Variants in MTMR8 observed in about 807,000 individuals in gnomAD.
MTMR8 encodes myotubularin related protein 8.
MTMR8 carries 65 observed loss-of-function variants against 39.3 expected under a neutral mutation model. That is an observed-to-expected ratio of 1.65 (90% CI 1.35 to 2.03). The LOEUF (loss-of-function observed/expected upper bound fraction) is 2.03. MTMR8 is among the 30% of genes most tolerant of loss of function. The pLI, the probability that MTMR8 is intolerant of heterozygous loss-of-function variation, is 0.00. For synonymous variants in MTMR8, 245 were observed against 185.2 expected (o/e 1.32, Z -2.62); for missense variants, 777 against 538.9 (o/e 1.44, Z -4.37).
chrX:64,366,902 T>G (rs972508221), intron 1 of MTMR8, among the ~76,000 whole-genome samples: 1 of 110,947 alleles, frequency 9.0e-6, no homozygotes, highest in Non-Finnish European at 1.9e-5. Context: ...ATAGATGCAA[T>G]AAAAAATGAT....
At chrX:64,329,834 G>T (rs1175369861) in intron 11 of MTMR8, among the ~76,000 whole-genome samples, 2 of 111,558 alleles carry the variant, frequency 1.8e-5, no homozygotes. Flanking sequence ...TATTGCGTTG[G>T]TAAGGTAACT....
At chrX:64,373,407 C>T (rs1044402393) in intron 1 of MTMR8, among the ~76,000 whole-genome samples, 1 of 111,209 alleles carries the variant, frequency 9.0e-6, no homozygotes, top group South Asian at 3.8e-4. Context: ...TAGCACATCC[C>T]TCTCTCTCCC....
At chrX:64,301,799 A>G (rs774343967) in intron 12 of MTMR8, among the ~76,000 whole-genome samples, 24 of 111,794 alleles carry the variant, frequency 2.1e-4, no homozygotes, top group South Asian at 1.9e-3. Flanking sequence ...TCTAACAGAC[A>G]GGACCCTCTG....
intron 12 of MTMR8, among the ~76,000 whole-genome samples, chrX:64,294,363 C>T (rs1245846618): frequency 1.8e-5 from 2 of 111,597 alleles, no homozygotes; most frequent in African/African-American, 6.5e-5. Context: ...TTCCCAGCCA[C>T]CTATGGGATA....
At chrX:64,308,949 C>G (rs1186142488) in intron 12 of MTMR8, among the ~76,000 whole-genome samples, 1 of 111,967 alleles carries the variant, frequency 8.9e-6, no homozygotes, top group Admixed American at 9.5e-5. Context: ...CCATTCTGTT[C>G]CATTGATCTA....
intron 8 of MTMR8, among the ~76,000 whole-genome samples, chrX:64,342,145 G>A (rs1379237573): frequency 8.9e-6 from 1 of 112,289 alleles, no homozygotes; most frequent in African/African-American, 3.2e-5. Flanking sequence ...AATAACTTTA[G>A]TAGCAATTTG....
At chrX:64,309,158 G>T (rs187920767) in intron 12 of MTMR8, among the ~76,000 whole-genome samples, 1 of 112,005 alleles carries the variant, frequency 8.9e-6, no homozygotes, top group African/African-American at 3.2e-5. Flanking sequence ...AACTTACTAA[G>T]ATTTTGATTG....
intron 12 of MTMR8, among the ~76,000 whole-genome samples, chrX:64,301,593 C>A (rs1378226241): frequency 8.9e-6 from 1 of 112,330 alleles, no homozygotes; most frequent in South Asian, 3.7e-4. Flanking sequence ...AGTCATTCTC[C>A]ATCCAGCTTT....
intron 10 of MTMR8, among the ~76,000 whole-genome samples, chrX:64,335,281 G>A (rs931986786): frequency 1.8e-5 from 2 of 110,594 alleles, no homozygotes; most frequent in African/African-American, 3.3e-5. Context: ...ATAGGCACCC[G>A]CCACCATGTC....
At position 64,318,424 on chromosome X, in the gene MTMR8, G is replaced by A. The variant is rs759249675; in HGVS notation, c.1481+10348C>T. The stretch of plus-strand genomic sequence containing the variant: ...CTAGAAAGAGATGGCTTCTATTTGT[G>A]GCTTTTTTTTCTGTTCCCGTGTTAT... On this transcript the variant is annotated intron_variant, in intron 12 of 13. Transcript: ENST00000374852. Among the ~76,000 whole-genome samples the A allele has an allele frequency of 5.4e-5, 6 of 111,424 alleles. No individual in the cohort carries two copies. The Admixed American group carries it at 5.7e-4, about 11-fold the overall frequency.
At chrX:64,269,195 C>A (rs1263282120) in intron 13 of MTMR8, 152 bp from the exon 14 acceptor site, 28 of 509,948 alleles carry the variant, frequency 5.5e-5, no homozygotes, top group Non-Finnish European at 3.8e-5. Context: ...ATCTTTCCCT[C>A]ATCACATGTC....
chrX:64,359,100 T>G (rs2147234121), intron 2 of MTMR8, among the ~76,000 whole-genome samples: 1 of 111,276 alleles, frequency 9.0e-6, no homozygotes, highest in East Asian at 2.8e-4. Flanking sequence ...GGCTTTAAAT[T>G]ACTTCAAGAT....
intron 1 of MTMR8, among the ~76,000 whole-genome samples, chrX:64,372,584 C>A (rs553650053): frequency 8.9e-5 from 10 of 111,763 alleles, no homozygotes; most frequent in African/African-American, 2.9e-4. Flanking sequence ...CAGTATGTAA[C>A]CTTTTGAGAT....
intron 1 of MTMR8, among the ~76,000 whole-genome samples, chrX:64,384,701 G>C (rs777116711): frequency 8.9e-5 from 10 of 112,416 alleles, no homozygotes; most frequent in Non-Finnish European, 1.5e-4. Context: ...GCCCAGATTT[G>C]AGAACCAGTG....
At chrX:64,304,025 A>C (rs1480543792) in intron 12 of MTMR8, among the ~76,000 whole-genome samples, 1 of 111,774 alleles carries the variant, frequency 8.9e-6, no homozygotes, top group Non-Finnish European at 1.9e-5. Context: ...TTTTTCATGC[A>C]AAAATCTACA....
At chrX:64,305,683 C>T in intron 12 of MTMR8, 1 of 532,818 alleles carries the variant, frequency 1.9e-6, no homozygotes, top group Non-Finnish European at 3.5e-6. Context: ...TCATTGCCAG[C>T]ACCAGTAAGG....
intron 1 of MTMR8, among the ~76,000 whole-genome samples, chrX:64,384,571 A>G (rs1293240314): frequency 3.6e-5 from 4 of 112,239 alleles, no homozygotes; most frequent in African/African-American, 1.3e-4. Context: ...CTCTTTTGCA[A>G]TCTGTGCCCC....
At chrX:64,278,076 A>G (rs1264727081) in intron 12 of MTMR8, among the ~76,000 whole-genome samples, 6 of 108,946 alleles carry the variant, frequency 5.5e-5, no homozygotes, top group African/African-American at 2.0e-4. Context: ...TTTCAGCTCT[A>G]TCAGGTCATT....
At chrX:64,303,800 G>A (rs1220790611) in intron 12 of MTMR8, among the ~76,000 whole-genome samples, 1 of 112,091 alleles carries the variant, frequency 8.9e-6, no homozygotes, top group Non-Finnish European at 1.9e-5. Flanking sequence ...AATACAGCAT[G>A]GTATTCTAAC....
Sources: allele counts gnomAD v4.1 joint callset (sites outside exome capture counted in the v4.1 genomes callset), GRCh38; gene constraint gnomAD v4.1.1; transcripts MANE v1.5; gene names NCBI Gene and HGNC (gene_info 2026-07-23, HGNC 2026-07-21).